SLC10A7: variants seen among roughly 807,000 people sequenced by gnomAD.
SLC10A7 encodes the protein sodium/bile acid cotransporter 7.
In SLC10A7, 29 loss-of-function variants were observed where a neutral mutation model predicts 43.2. That is an observed-to-expected ratio of 0.67 (90% CI 0.50 to 0.92). The LOEUF is 0.92. SLC10A7 is among the 40% of genes least tolerant of loss of function. SLC10A7 has a pLI of 0.00. For missense variants in SLC10A7, 295 were observed against 403.2 expected (o/e 0.73, Z 2.30); for synonymous variants, 152 against 144.8 (o/e 1.05, Z -0.35).
At chr4:146,410,987 G>A (rs11945201) in intron 5 of SLC10A7, among the ~76,000 whole-genome samples, 81,362 of 151,606 alleles carry the variant, frequency 0.54, 22,341 homozygotes, top group East Asian at 0.73. Flanking sequence ...GAGCCACCAC[G>A]CCTGGCTAAT....
intron 5 of SLC10A7, among the ~76,000 whole-genome samples, chr4:146,435,716 T>A (rs1730155811): frequency 6.6e-6 from 1 of 152,170 alleles, no homozygotes; most frequent in Non-Finnish European, 1.5e-5. Flanking sequence ...AATAAGCATC[T>A]CCTACTAAAG....
chr4:146,486,797 G>A (rs1441580927), intron 4 of SLC10A7, among the ~76,000 whole-genome samples: 5 of 152,238 alleles, frequency 3.3e-5, no homozygotes, highest in Non-Finnish European at 7.3e-5. Flanking sequence ...CTATAGGGCA[G>A]TGGCAGTCTT....
Position 146,303,276 on chromosome 4 carries a change from C to G in SLC10A7, c.555+2650G>C, listed in dbSNP as rs574292081. ...CCCAAGGGTACTCCCTAGTAAACTT[C>G]CTGCATAAAAACCTCTGTCTTTGAG... On this transcript the variant is annotated intron_variant, in intron 7 of 11. Transcript: ENST00000335472. Among the ~76,000 whole-genome samples, 4 of 152,272 alleles carry G rather than the reference C, an allele frequency of 2.6e-5. 1 individual carries two copies. In the East Asian group the frequency reaches 7.7e-4, roughly 29 times the overall value.
intron 2 of SLC10A7, chr4:146,514,451 C>G (rs1226465887): frequency 6.6e-6 from 1 of 152,214 alleles, no homozygotes; most frequent in African/African-American, 2.4e-5. Flanking sequence ...AACCATATTT[C>G]ACTTCAATAC....
chr4:146,376,807 T>C lies in SLC10A7; in HGVS notation c.436-50811A>G, dbSNP rs187887879. Among the ~76,000 whole-genome samples the C allele has an allele frequency of 1.2e-4, 18 of 152,350 alleles. No homozygotes were observed. The East Asian group carries it at 3.5e-3, about 29-fold the overall frequency. ...TGAACAAAGGAGACAAGGTCATTTA[T>C]AACCTGATGCGTCCACTTTACAGCT... On this transcript the variant is annotated intron_variant, in intron 5 of 11. Coordinates refer to ENST00000335472, the MANE Select transcript of SLC10A7 (RefSeq NM_001029998.6).
chr4:146,478,130 G>A (rs1222700540), intron 4 of SLC10A7: 1 of 152,138 alleles, frequency 6.6e-6, no homozygotes, highest in African/African-American at 2.4e-5. Context: ...CACATACTAT[G>A]TGCCCATAAG....
intron 4 of SLC10A7, among the ~76,000 whole-genome samples, chr4:146,480,678 T>C (rs1734393234): frequency 6.6e-6 from 1 of 151,950 alleles, no homozygotes; most frequent in African/African-American, 2.4e-5. Context: ...CATGGCCAAA[T>C]AGAACACCAG....
intron 4 of SLC10A7, among the ~76,000 whole-genome samples, chr4:146,502,554 A>G (rs1736519573): frequency 7.7e-6 from 1 of 130,624 alleles, no homozygotes; most frequent in African/African-American, 3.0e-5. Flanking sequence ...GGTATATTAT[A>G]TATAAACTTA....
intron 5 of SLC10A7, among the ~76,000 whole-genome samples, chr4:146,343,512 T>C (rs967407668): frequency 6.6e-6 from 1 of 152,066 alleles, no homozygotes; most frequent in Non-Finnish European, 1.5e-5. Context: ...TGCTTCTCAA[T>C]TGTCCTTCTA....
intron 5 of SLC10A7, among the ~76,000 whole-genome samples, chr4:146,436,673 T>C (rs1161342894): frequency 1.3e-5 from 2 of 152,140 alleles, no homozygotes; most frequent in Non-Finnish European, 2.9e-5. Context: ...CAACTTACTG[T>C]CTTTTCAACT....
chr4:146,363,885 C>T (rs549109190), intron 5 of SLC10A7, among the ~76,000 whole-genome samples: 1 of 151,648 alleles, frequency 6.6e-6, no homozygotes, highest in Admixed American at 6.6e-5. Flanking sequence ...GCAATAAACA[C>T]CTAAATCAAA....
At chr4:146,271,943 C>G (rs182847572) in intron 10 of SLC10A7, among the ~76,000 whole-genome samples, 1 of 152,328 alleles carries the variant, frequency 6.6e-6, no homozygotes, top group Non-Finnish European at 1.5e-5. Context: ...CATCTCCACC[C>G]TGGCATTCCT....
chr4:146,518,036 T>C (rs1220383039), intron 1 of SLC10A7, among the ~76,000 whole-genome samples: 1 of 152,190 alleles, frequency 6.6e-6, no homozygotes, highest in African/African-American at 2.4e-5. Context: ...CCAGGCCTGG[T>C]CCCTGCCTTC....
chr4:146,430,286 G>A (rs2149867994), intron 5 of SLC10A7, among the ~76,000 whole-genome samples: 1 of 152,202 alleles, frequency 6.6e-6, no homozygotes, highest in East Asian at 1.9e-4. Context: ...GTAATTAAGA[G>A]CCACTATAGA....
chr4:146,301,797 T>C (rs1731177398), intron 7 of SLC10A7, among the ~76,000 whole-genome samples: 1 of 152,056 alleles, frequency 6.6e-6, no homozygotes, highest in Non-Finnish European at 1.5e-5. Flanking sequence ...TGGCTGTTAA[T>C]TCCTAAGACC....
chr4:146,304,361 T>G (rs1022871600), intron 7 of SLC10A7, among the ~76,000 whole-genome samples: 17 of 151,940 alleles, frequency 1.1e-4, no homozygotes, highest in African/African-American at 4.1e-4. Flanking sequence ...CAGAATAAGG[T>G]AAAGACTTGC....
chr4:146,470,455 T>TA (rs1733467098), intron 4 of SLC10A7, among the ~76,000 whole-genome samples: 1 of 151,886 alleles, frequency 6.6e-6, no homozygotes, highest in East Asian at 1.9e-4. Flanking sequence ...ACTAAATGGG[T>TA]AATATAAAGA....
intron 5 of SLC10A7, among the ~76,000 whole-genome samples, chr4:146,420,993 C>T (rs1414060303): frequency 6.6e-6 from 1 of 152,080 alleles, no homozygotes; most frequent in Non-Finnish European, 1.5e-5. Context: ...CACCACTGTA[C>T]TCCAGCCTGG....
intron 4 of SLC10A7, among the ~76,000 whole-genome samples, chr4:146,494,224 G>A (rs1735695761): frequency 6.6e-6 from 1 of 152,194 alleles, no homozygotes; most frequent in African/African-American, 2.4e-5. Flanking sequence ...AGCCAGCAAG[G>A]TCCAGGGCTT....
Sources: allele counts gnomAD v4.1 joint callset (sites outside exome capture counted in the v4.1 genomes callset), GRCh38; gene constraint gnomAD v4.1.1; transcripts MANE v1.5; gene names NCBI Gene and HGNC (gene_info 2026-07-23, HGNC 2026-07-21).